The following SIK3 variants were observed in gnomAD, a reference collection of about 807,000 sequenced individuals.
SIK3 encodes serine/threonine-protein kinase SIK3.
In SIK3, 28 loss-of-function variants were observed where a neutral mutation model predicts 144.2. That is an observed-to-expected ratio of 0.19 (90% CI 0.14 to 0.27). The LOEUF (loss-of-function observed/expected upper bound fraction) is 0.27. SIK3 is among the 10% of genes least tolerant of loss of function. The pLI is 1.00. For synonymous variants in SIK3, 686 were observed against 676.3 expected (o/e 1.01, Z -0.22); for missense variants, 1,319 against 1,776.0 (o/e 0.74, Z 4.62).
chr11:116,989,767 T>C (rs1287011088), intron 1 of SIK3, among the ~76,000 whole-genome samples: 1 of 152,176 alleles, frequency 6.6e-6, no homozygotes, highest in Non-Finnish European at 1.5e-5. Flanking sequence ...CAGGCAGATT[T>C]TGACACATGA....
At position 116,845,425 on chromosome 11, in the gene SIK3, G is replaced by A. The variant is rs543847728; in HGVS notation, c.*218C>T. ...GATGGAGAACATGGATTTCCTTCCT[G>A]TTTATTTCCTTGGTGACTTGGTCAT... On this transcript the variant is annotated 3_prime_UTR_variant, in exon 25 of 25. Coordinates refer to ENST00000445177, the MANE Select transcript of SIK3 (RefSeq NM_001366686.3). The A allele has an allele frequency of 6.6e-6, 1 of 152,308 alleles. No individual in the cohort carries two copies. Among genetic ancestry groups the A allele is most frequent in the East Asian group, 1.9e-4 (1 of 5,188 alleles). The allele number at this position is 152,308 out of a possible 1,614,324, so 9.4% of individuals were successfully genotyped here. A position where few individuals can be genotyped will look rare whatever the true frequency, so the allele number is the denominator to read the frequency against.
intron 1 of SIK3, among the ~76,000 whole-genome samples, chr11:117,009,265 G>A (rs1951164576): frequency 6.6e-6 from 1 of 150,528 alleles, no homozygotes; most frequent in African/African-American, 2.5e-5. Flanking sequence ...ATGATGCAGG[G>A]CCAGGCATGA....
intron 1 of SIK3, among the ~76,000 whole-genome samples, chr11:116,987,161 C>G (rs1950351029): frequency 6.6e-6 from 1 of 152,110 alleles, no homozygotes; most frequent in African/African-American, 2.4e-5. Flanking sequence ...GGTACTAGCT[C>G]AGTGACACTC....
chr11:117,014,598 C>A, intron 1 of SIK3, among the ~76,000 whole-genome samples: 1 of 107,490 alleles, frequency 9.3e-6, no homozygotes, highest in African/African-American at 3.6e-5. Flanking sequence ...GGGCTCATCT[C>A]CAAAATATAG....
At chr11:116,859,161 A>T in intron 20 of SIK3, 104 bp downstream of exon 20, 1 of 1,044,812 alleles carries the variant, frequency 9.6e-7, no homozygotes, top group Non-Finnish European at 1.4e-6. Context: ...AGCACAGCCT[A>T]GTCAGACCCA....
chr11:116,943,831 C>A (rs1591387749), intron 3 of SIK3, among the ~76,000 whole-genome samples: 1 of 151,758 alleles, frequency 6.6e-6, no homozygotes, highest in Admixed American at 6.6e-5. Flanking sequence ...TTATCTTAAC[C>A]TTCTAAATTA....
intron 1 of SIK3, among the ~76,000 whole-genome samples, chr11:117,042,876 A>T (rs1174923415): frequency 6.6e-6 from 1 of 152,222 alleles, no homozygotes; most frequent in South Asian, 2.1e-4. Context: ...CAAATTCTAT[A>T]AGGAAAATAA....
chr11:117,056,127 A>C (rs1250005123), intron 1 of SIK3, among the ~76,000 whole-genome samples: 1 of 152,228 alleles, frequency 6.6e-6, no homozygotes, highest in Non-Finnish European at 1.5e-5. Context: ...GAAAAGGATT[A>C]GTTAATAAAA....
chr11:116,911,169 G>T (rs1309275958), intron 4 of SIK3, among the ~76,000 whole-genome samples: 1 of 151,888 alleles, frequency 6.6e-6, no homozygotes, highest in Non-Finnish European at 1.5e-5. Flanking sequence ...AACAATATGG[G>T]GTAGATCAGG....
chr11:117,075,536 A>AT (rs148428202), intron 1 of SIK3, among the ~76,000 whole-genome samples: 2 of 141,530 alleles, frequency 1.4e-5, no homozygotes, highest in African/African-American at 2.7e-5. Context: ...GTTATTGATT[A>AT]TTTTTTTTTC....
intron 1 of SIK3, among the ~76,000 whole-genome samples, chr11:117,014,531 A>C (rs756129173): frequency 3.9e-5 from 6 of 152,152 alleles, no homozygotes; most frequent in Non-Finnish European, 8.8e-5. Context: ...TAACAGGGAA[A>C]AGACAAGCTA....
intron 1 of SIK3, among the ~76,000 whole-genome samples, chr11:116,968,762 A>AGGAAATTGTC (rs1949655255): frequency 1.3e-5 from 2 of 152,244 alleles, no homozygotes; most frequent in South Asian, 4.1e-4. Context: ...TTTTATGTAA[A>AGGAAATTGTC]GGAAATTGTC....
At chr11:117,031,596 A>G (rs1027477100) in intron 1 of SIK3, among the ~76,000 whole-genome samples, 1 of 150,090 alleles carries the variant, frequency 6.7e-6, no homozygotes, top group Non-Finnish European at 1.5e-5. Flanking sequence ...ATCTTGGCTC[A>G]CTGCAACCTC....
intron 4 of SIK3, among the ~76,000 whole-genome samples, chr11:116,900,000 C>T (rs1945649309): frequency 6.6e-6 from 1 of 152,166 alleles, no homozygotes. Flanking sequence ...CCTCTCCTTG[C>T]TCTATGTTTT....
chr11:117,012,170 C>G (rs962243543), intron 1 of SIK3, among the ~76,000 whole-genome samples: 2 of 152,164 alleles, frequency 1.3e-5, no homozygotes, highest in African/African-American at 4.8e-5. Context: ...GAGGCAGGGT[C>G]TCCCTATGTT....
At chr11:116,883,667 C>T (rs780587197) in intron 6 of SIK3, among the ~76,000 whole-genome samples, 3 of 152,202 alleles carry the variant, frequency 2.0e-5, no homozygotes, top group Admixed American at 6.5e-5. Context: ...GGCATGGTGG[C>T]TCACGCCTAT....
rs115570364 is a variant in SIK3, at chr11:117,042,507, G to A, written c.273+55636C>T. 5.2e-3 allele frequency among the ~76,000 whole-genome samples: 786 copies of A among 152,222 alleles called. 11 individuals are homozygous for A. The highest frequency in any genetic ancestry group is 0.018 in the African/African-American group (737 of 41,532). On this transcript the variant is annotated intron_variant, in intron 1 of 24. Coordinates refer to ENST00000445177, the MANE Select transcript of SIK3 (RefSeq NM_001366686.3). ...AATACCAGTACAACCAGGAATCCTC[G>A]TATACTTAACACACATAAGGATAAA...
At chr11:116,975,237 T>C (rs1370449364) in intron 1 of SIK3, among the ~76,000 whole-genome samples, 3 of 135,846 alleles carry the variant, frequency 2.2e-5, no homozygotes, top group Admixed American at 6.9e-5. Flanking sequence ...AATTCACCAA[T>C]TTAAAGTGTA....
At chr11:116,914,687 T>C (rs1156569154) in intron 4 of SIK3, among the ~76,000 whole-genome samples, 1 of 152,148 alleles carries the variant, frequency 6.6e-6, no homozygotes, top group East Asian at 1.9e-4. Flanking sequence ...AGAGGGGCAA[T>C]TGGTATATTC....
Sources: allele counts gnomAD v4.1 joint callset (sites outside exome capture counted in the v4.1 genomes callset), GRCh38; gene constraint gnomAD v4.1.1; transcripts MANE v1.5; gene names NCBI Gene and HGNC (gene_info 2026-07-23, HGNC 2026-07-21).